Variants in TAF12 observed in about 807,000 individuals in gnomAD.
The protein encoded by TAF12 is transcription initiation factor TFIID subunit 12.
Under a neutral mutation model 20.8 loss-of-function variants are expected in TAF12, and 3 were observed. That is an observed-to-expected ratio of 0.14 (90% confidence interval 0.07 to 0.37). TAF12 has a LOEUF of 0.37. TAF12 is among the 10% of genes least tolerant of loss of function. The pLI is 1.00. For synonymous variants in TAF12, 69 were observed against 70.2 expected (o/e 0.98, Z 0.09); for missense variants, 131 against 197.9 (o/e 0.66, Z 2.03).
chr1:28,604,806 A>G (rs1336072561), intron 5 of TAF12, among the ~76,000 whole-genome samples: 1 of 152,172 alleles, frequency 6.6e-6, no homozygotes, highest in Non-Finnish European at 1.5e-5. Context: ...GGAGGCCAAC[A>G]CTGCTGTTGG....
chr1:28,646,604 C>T (rs553539941), upstream of TAF12, among the ~76,000 whole-genome samples: 500 of 152,100 alleles, frequency 3.3e-3, 2 homozygotes, highest in African/African-American at 0.012. Context: ...AGTCTCGGCT[C>T]GCTGCAACCT....
chr1:28,605,594 A>T lies in TAF12; in HGVS notation c.362-134T>A. 3 of 786,238 alleles carry T rather than the reference A, an allele frequency of 3.8e-6. No homozygotes were observed. In the South Asian group the frequency reaches 5.3e-5, roughly 14 times the overall value. The allele number at this position is 786,238 out of a possible 1,614,324, so 48.7% of individuals were successfully genotyped here. A position where few individuals can be genotyped will look rare whatever the true frequency, so the allele number is the denominator to read the frequency against. On this transcript the variant is annotated intron_variant, in intron 4 of 5. Coordinates refer to ENST00000373824, the MANE Select transcript of TAF12 (RefSeq NM_005644.4). Reference sequence around the variant, plus strand: ...ACTCCACAAAGGGATTCTATTACAAATAGGGAAAATGGACATGGCTTCTCC... The same window carrying T: ...ACTCCACAAAGGGATTCTATTACAATTAGGGAAAATGGACATGGCTTCTCC...
chr1:28,629,056 G>A (rs1278629364), intron 1 of TAF12, among the ~76,000 whole-genome samples: 17 of 152,218 alleles, frequency 1.1e-4, no homozygotes, highest in Admixed American at 1.1e-3. Flanking sequence ...GGGTGACAGA[G>A]CAAGACTCCG....
chr1:28,610,610 A>G (rs1033642560), intron 4 of TAF12, among the ~76,000 whole-genome samples: 20 of 151,292 alleles, frequency 1.3e-4, no homozygotes, highest in African/African-American at 4.4e-4. Context: ...CCACCATGCC[A>G]GGCCACTAGT....
rs1668078668 is a variant in TAF12, at chr1:28,642,707, A to C, written c.-85+285T>G. On this transcript the variant is annotated intron_variant, in intron 1 of 5. Transcript: ENST00000373824. ...CGTTCCTTTCTGACCCTTTCCTCGT[A>C]GGAGTGCGGGTCCTCATAATCCTGC... 2.0e-5 allele frequency: 20 copies of C among 985,026 alleles called. No homozygotes were observed. The South Asian group carries it at 8.5e-4, about 42-fold the overall frequency. 61.0% of individuals were successfully genotyped at this position (985,026 alleles called of 1,614,324 possible).
exon 1 of TAF12, chr1:28,648,206 G>T: frequency 3.0e-6 from 3 of 985,332 alleles, no homozygotes; most frequent in Non-Finnish European, 3.6e-6. Context: ...GATACCTACA[G>T]CCGCTGAGAG....
intron 1 of TAF12, among the ~76,000 whole-genome samples, chr1:28,635,763 T>C (rs1667801845): frequency 2.0e-5 from 3 of 151,872 alleles, no homozygotes; most frequent in African/African-American, 7.3e-5. Flanking sequence ...AAGGAGACCT[T>C]GGCAATAGTT....
chr1:28,608,906 A>G (rs566528808), intron 4 of TAF12, among the ~76,000 whole-genome samples: 4 of 151,928 alleles, frequency 2.6e-5, no homozygotes, highest in African/African-American at 9.6e-5. Flanking sequence ...ACACCCTTGC[A>G]TTCCAGCCTG....
At chr1:28,621,893 G>A in intron 2 of TAF12, 21 bp downstream of exon 2, 2 of 1,609,382 alleles carry the variant, frequency 1.2e-6, no homozygotes, top group Non-Finnish European at 1.7e-6. Context: ...CTACAGAGAA[G>A]AAAGAGTAAG....
intron 1 of TAF12, among the ~76,000 whole-genome samples, chr1:28,624,873 C>T (rs1017342378): frequency 1.3e-5 from 2 of 152,192 alleles, no homozygotes; most frequent in African/African-American, 4.8e-5. Context: ...GGCTGACTTG[C>T]TGGCCAAGAA....
At position 28,603,440 on chromosome 1, in the gene TAF12, G is replaced by T; in HGVS notation, c.*99C>A. 7.9e-7 allele frequency: 1 copy of T among 1,260,454 alleles called. No individual in the cohort carries two copies. The highest frequency in any genetic ancestry group is 1.2e-6 in the Non-Finnish European group (1 of 867,522). The allele number at this position is 1,260,454 out of a possible 1,614,324, so 78.1% of individuals were successfully genotyped here. On this transcript the variant is annotated 3_prime_UTR_variant, in exon 6 of 6. Transcript: ENST00000373824. ...GTTAATAAAAAATATATGCTTCTCT[G>T]TAAAGCATTAAAAAAAAAAATCCAA...
intron 1 of TAF12, among the ~76,000 whole-genome samples, chr1:28,626,160 G>A (rs948209103): frequency 4.6e-5 from 7 of 151,558 alleles, no homozygotes; most frequent in African/African-American, 1.7e-4. Context: ...TGTATTTTTA[G>A]TAGAGGAGGG....
At chr1:28,612,795 A>G (rs1167354435) in intron 4 of TAF12, among the ~76,000 whole-genome samples, 1 of 152,084 alleles carries the variant, frequency 6.6e-6, no homozygotes, top group African/African-American at 2.4e-5. Flanking sequence ...AAAATGCATA[A>G]ATAGGCTAAA....
At chr1:28,617,761 T>C (rs1570309269) in intron 3 of TAF12, among the ~76,000 whole-genome samples, 192 bp downstream of exon 3, 1 of 151,856 alleles carries the variant, frequency 6.6e-6, no homozygotes, top group African/African-American at 2.4e-5. Flanking sequence ...CTCAGCTAAT[T>C]GTTTAATTTT....
intron 1 of TAF12, among the ~76,000 whole-genome samples, chr1:28,634,523 T>C (rs1214883010): frequency 6.6e-6 from 1 of 152,072 alleles, no homozygotes; most frequent in Non-Finnish European, 1.5e-5. Flanking sequence ...GTAGAAATTG[T>C]GTGCTATGAG....
rs1477519310 is a variant in TAF12 at position 28,643,063 on chromosome 1, C to A, written c.-156G>T. On this transcript the variant is annotated 5_prime_UTR_variant, in exon 1 of 6. Coordinates refer to ENST00000373824, the MANE Select transcript of TAF12 (RefSeq NM_005644.4). ...GAAGCGTTCGTCTCAGCAGCCGGTC[C>A]GACTGCGCGGCCCTCCCCGACTACT... is the stretch of plus-strand genomic sequence containing the variant. 14 of 985,816 alleles carry A rather than the reference C, an allele frequency of 1.4e-5. No individual in the cohort carries two copies. The highest frequency in any genetic ancestry group is 6.1e-5 in the Admixed American group (1 of 16,262). The allele number at this position is 985,816 out of a possible 1,614,324, so 61.1% of individuals were successfully genotyped here.
intron 1 of TAF12, among the ~76,000 whole-genome samples, chr1:28,625,061 T>A (rs947165394): frequency 2.0e-5 from 3 of 152,244 alleles, no homozygotes; most frequent in African/African-American, 7.2e-5. Context: ...GCAAGTTCTA[T>A]GCAAAAGCCT....
rs149289422 is a variant in TAF12 at position 28,609,233 on chromosome 1, C to T, written c.362-3773G>A. Reference sequence around the variant, plus strand: ...CTGGGATTACAGGCACATGCCACCACGCCCGGCTAATTTTGTATTTTTAGT... The same window carrying T: ...CTGGGATTACAGGCACATGCCACCATGCCCGGCTAATTTTGTATTTTTAGT... On this transcript the variant is annotated intron_variant, in intron 4 of 5. Coordinates refer to ENST00000373824, the MANE Select transcript of TAF12 (RefSeq NM_005644.4). Among the ~76,000 whole-genome samples the T allele has an allele frequency of 2.9e-3, 445 of 151,614 alleles. 2 individuals carry two copies. The highest frequency in any genetic ancestry group is 0.01 in the African/African-American group (433 of 41,394).
intron 1 of TAF12, among the ~76,000 whole-genome samples, chr1:28,639,728 C>T (rs972780436): frequency 5.9e-5 from 9 of 152,142 alleles, no homozygotes; most frequent in African/African-American, 2.2e-4. Context: ...GCAAATAGTA[C>T]AGGCTAACCC....
Sources: allele counts gnomAD v4.1 joint callset (sites outside exome capture counted in the v4.1 genomes callset), GRCh38; gene constraint gnomAD v4.1.1; transcripts MANE v1.5; gene names NCBI Gene and HGNC (gene_info 2026-07-23, HGNC 2026-07-21).